The following PARD3B variants were observed in gnomAD, a reference collection of about 807,000 sequenced individuals.
PARD3B encodes the protein partitioning defective 3 homolog B.
PARD3B carries 103 observed loss-of-function variants against 130.2 expected under a neutral mutation model. The observed-to-expected ratio is 0.79, with a 90% CI of 0.67 to 0.93. The LOEUF is 0.93. PARD3B is among the 40% of genes least tolerant of loss of function. PARD3B has a pLI of 0.00. For synonymous variants in PARD3B, 583 were observed against 553.2 expected, an observed-to-expected ratio of 1.05 and a Z score of -0.76; for missense variants, 1,609 against 1,499.2, an observed-to-expected ratio of 1.07 and a Z score of -1.21.
intron 4 of PARD3B, among the ~76,000 whole-genome samples, chr2:205,093,122 T>C (rs1702206791): frequency 6.6e-6 from 1 of 152,098 alleles, no homozygotes; most frequent in Non-Finnish European, 1.5e-5. Context: ...TATTGTCATA[T>C]TCATCTTTGA....
intron 10 of PARD3B, among the ~76,000 whole-genome samples, chr2:205,126,327 GA>G (rs1354577530): frequency 6.6e-6 from 1 of 152,048 alleles, no homozygotes; most frequent in African/African-American, 2.4e-5. Flanking sequence ...CAAAGATGTG[GA>G]AAAAATTCAT....
intron 18 of PARD3B, among the ~76,000 whole-genome samples, chr2:205,379,448 A>G (rs2045220645): frequency 6.6e-6 from 1 of 152,188 alleles, no homozygotes; most frequent in Admixed American, 6.5e-5. Flanking sequence ...CATGATTATG[A>G]TGAAGTCTAA....
chr2:204,864,053 A>T (rs2045316992), intron 2 of PARD3B, among the ~76,000 whole-genome samples: 1 of 152,152 alleles, frequency 6.6e-6, no homozygotes, highest in African/African-American at 2.4e-5. Flanking sequence ...TCATCTTGAT[A>T]GCGCTTCACT....
At chr2:204,998,103 C>T (rs1694391448) in intron 3 of PARD3B, among the ~76,000 whole-genome samples, 1 of 148,442 alleles carries the variant, frequency 6.7e-6, no homozygotes. Flanking sequence ...CATAGTAAGG[C>T]AAGAAAGACA....
intron 1 of PARD3B, among the ~76,000 whole-genome samples, chr2:204,668,978 A>T (rs2036155302): frequency 1.3e-5 from 2 of 152,116 alleles, no homozygotes; most frequent in Non-Finnish European, 2.9e-5. Context: ...AATGTGGGCA[A>T]CCTCTTCAGA....
Position 205,530,866 on chromosome 2 carries a change from ATTG to A in PARD3B, c.3181-22453_3181-22451del, listed in dbSNP as rs960093441. On this transcript the variant is annotated intron_variant, in intron 21 of 22. Coordinates refer to ENST00000406610, the MANE Select transcript of PARD3B (RefSeq NM_001302769.2). This position sits in a 1 kb window ranked among gnomAD's most constrained non-coding sequence, Gnocchi z 4.7. ...AGAGGCATGACCCACCTGGATAAGA[ATTG>A]TTGTAAAGGAATTATGTAGTGCAGG... 6.6e-6 allele frequency among the ~76,000 whole-genome samples: 1 copy of A among 152,176 alleles called. No homozygotes were observed. Among genetic ancestry groups the A allele is most frequent in the African/African-American group, 2.4e-5 (1 of 41,448 alleles).
chr2:204,892,053 A>G (rs2046468928), intron 2 of PARD3B, among the ~76,000 whole-genome samples: 1 of 152,228 alleles, frequency 6.6e-6, no homozygotes, highest in African/African-American at 2.4e-5. Flanking sequence ...GAGAGACAAT[A>G]TAACATTATA....
intron 8 of PARD3B, among the ~76,000 whole-genome samples, chr2:205,123,777 AG>A (rs2125627293): frequency 6.6e-6 from 1 of 152,112 alleles, no homozygotes; most frequent in African/African-American, 2.4e-5. Flanking sequence ...AGGATCCTTC[AG>A]GGTAGAGAAA....
chr2:205,555,359 G>A (rs2052834660), intron 22 of PARD3B, among the ~76,000 whole-genome samples: 1 of 152,180 alleles, frequency 6.6e-6, no homozygotes, highest in Non-Finnish European at 1.5e-5. Flanking sequence ...CCATCCTCAG[G>A]ACTCTACTGT....
rs780953986 is a variant in PARD3B, at chr2:204,669,450, A to G, written c.121-16731A>G. On this transcript the variant is annotated intron_variant, in intron 1 of 22. Transcript: ENST00000406610. This position sits in a 1 kb window ranked among gnomAD's most constrained non-coding sequence, Gnocchi z 4.3. ...TGGCATAACTCACTATATATTTTATATAAAGTCACCTCTTATAACTTGCAT... is the reference window on the plus strand; with the variant it reads ...TGGCATAACTCACTATATATTTTATGTAAAGTCACCTCTTATAACTTGCAT... Among the ~76,000 whole-genome samples the G allele has an allele frequency of 3.9e-5, 6 of 152,196 alleles. No homozygotes were observed. Among genetic ancestry groups the G allele is most frequent in the Non-Finnish European group, 7.3e-5 (5 of 68,030 alleles).
intron 3 of PARD3B, among the ~76,000 whole-genome samples, chr2:204,971,950 C>G (rs1329719218): frequency 1.3e-5 from 2 of 151,564 alleles, no homozygotes; most frequent in East Asian, 1.9e-4. Flanking sequence ...GCCACCACGC[C>G]TTGGCTGTTT....
chr2:205,495,995 A>G (rs2049910384), intron 20 of PARD3B, among the ~76,000 whole-genome samples: 1 of 152,184 alleles, frequency 6.6e-6, no homozygotes. Flanking sequence ...AATTCTGAGA[A>G]TTCTTTCCCA....
chr2:204,975,156 G>A (rs1432729745), intron 3 of PARD3B, among the ~76,000 whole-genome samples: 1 of 152,192 alleles, frequency 6.6e-6, no homozygotes, highest in Non-Finnish European at 1.5e-5. Flanking sequence ...CCATTAGTCA[G>A]TATGTGATGT....
intron 3 of PARD3B, among the ~76,000 whole-genome samples, chr2:205,039,051 CTGCT>C (rs1698203929): frequency 6.6e-6 from 1 of 152,050 alleles, no homozygotes; most frequent in Admixed American, 6.6e-5. Context: ...ATAAATTGTG[CTGCT>C]ATTGATATCA....
intron 2 of PARD3B, among the ~76,000 whole-genome samples, chr2:204,918,617 G>A (rs1415841810): frequency 1.4e-5 from 2 of 143,916 alleles, no homozygotes; most frequent in African/African-American, 5.3e-5. Context: ...GCGACAGAGC[G>A]AGACTCCGTC....
intron 21 of PARD3B, among the ~76,000 whole-genome samples, chr2:205,508,337 C>T (rs2050454175): frequency 6.6e-6 from 1 of 152,102 alleles, no homozygotes; most frequent in Non-Finnish European, 1.5e-5. Flanking sequence ...CTTTGGGAGG[C>T]CGAGATGAGA....
At chr2:204,947,459 T>C (rs1559288538) in intron 2 of PARD3B, among the ~76,000 whole-genome samples, 1 of 152,156 alleles carries the variant, frequency 6.6e-6, no homozygotes, top group African/African-American at 2.4e-5. Flanking sequence ...GTAAAGTATG[T>C]TGGGTGTATG....
At chr2:205,374,707 G>C (rs1218851613) in intron 18 of PARD3B, among the ~76,000 whole-genome samples, 1 of 152,030 alleles carries the variant, frequency 6.6e-6, no homozygotes, top group African/African-American at 2.4e-5. Flanking sequence ...ACTCCATCAG[G>C]TGGAGACAAC....
intron 2 of PARD3B, among the ~76,000 whole-genome samples, chr2:204,730,768 G>T (rs2039475987): frequency 1.3e-5 from 2 of 152,236 alleles, no homozygotes; most frequent in South Asian, 2.1e-4. Context: ...CACCTTTGGG[G>T]CATGTATAAA....
Sources: gnomAD v4.1 joint callset for allele counts (sites outside exome capture counted in the v4.1 genomes callset) on GRCh38, gnomAD v4.1.1 for gene constraint, Gnocchi (gnomAD v3.1) non-coding constraint, MANE v1.5 for transcripts, NCBI Gene and HGNC (gene_info 2026-07-23, HGNC 2026-07-21) for gene names.